APOBEC3G: variants seen among roughly 807,000 people sequenced by gnomAD.
The protein encoded by APOBEC3G is DNA dC->dU-editing enzyme APOBEC-3G.
A neutral mutation model predicts 50.0 loss-of-function variants in APOBEC3G; 44 were observed. That is an observed-to-expected ratio of 0.88 (90% CI 0.69 to 1.13). APOBEC3G has a LOEUF of 1.13. Among genes scored for constraint, APOBEC3G ranks in the 50% most tolerant of loss-of-function variants. The pLI, the probability that APOBEC3G is intolerant of heterozygous loss-of-function variation, is 0.00. For missense variants in APOBEC3G, 469 were observed against 492.0 expected, an observed-to-expected ratio of 0.95 and a Z score of 0.44; for synonymous variants, 156 against 175.3, an observed-to-expected ratio of 0.89 and a Z score of 0.87.
intron 4 of APOBEC3G, chr22:39,081,995 C>T (rs1355073368): frequency 1.2e-5 from 2 of 170,762 alleles, no homozygotes; most frequent in South Asian, 2.8e-4. Flanking sequence ...AACCTGAGCC[C>T]CTGAGAAGGA....
chr22:39,080,566 C>T (rs746011454), intron 2 of APOBEC3G: 82 of 244,190 alleles, frequency 3.4e-4, no homozygotes, highest in Non-Finnish European at 5.6e-4. Context: ...ACTGCTGCTC[C>T]GTGACATGGG....
intron 2 of APOBEC3G, chr22:39,080,553 G>C (rs1213160056): frequency 6.0e-5 from 13 of 215,634 alleles, no homozygotes; most frequent in African/African-American, 3.0e-4. Context: ...GGGATGTCGA[G>C]TCACTGCTGC....
intron 5 of APOBEC3G, among the ~76,000 whole-genome samples, chr22:39,085,931 G>A (rs1007769244): frequency 6.6e-6 from 1 of 152,122 alleles, no homozygotes; most frequent in Non-Finnish European, 1.5e-5. Flanking sequence ...TTGATAACTG[G>A]GGTTTGGTGC....
In APOBEC3G at chr22:39,081,176, T is replaced by C. The variant is rs1416990881; in HGVS notation, c.415T>C (p.Cys139Arg). 3 of 1,614,140 alleles carry C rather than the reference T, an allele frequency of 1.9e-6. No individual in the cohort carries two copies. Among genetic ancestry groups the C allele is most frequent in the South Asian group, 1.1e-5 (1 of 91,092 alleles). Residue 139 changes from cysteine (C) to arginine (R), a missense_variant, in exon 3 of 8, where the codon TGT becomes CGT. By Grantham distance (180) the Cys-to-Arg change is radical. Coordinates refer to ENST00000407997, the MANE Select transcript of APOBEC3G (RefSeq NM_021822.4). ...TTACCAGGAGGCGCTTCGCAGCCTG[T>C]GTCAGAAAAGAGACGGTCCGCGTGC... Reference protein sequence around the residue: ...PDYQEALRSLCQKRDGPRATM... With the variant: ...PDYQEALRSLRQKRDGPRATM...
rs1928300746 is a variant in APOBEC3G, at chr22:39,078,980, T to C, written c.66T>C (p.Tyr22=). 1 of 1,614,062 alleles carries C rather than the reference T, an allele frequency of 6.2e-7. No individual in the cohort carries two copies. The highest frequency in any genetic ancestry group is 1.7e-5 in the Admixed American group (1 of 59,998). ...MYRDTFSYNF[Y]NRPILSRRNT... The stretch of plus-strand genomic sequence containing the variant: ...GAGACACATTCTCCTACAACTTTTA[T>C]AATAGACCCATCCTTTCTCGTCGGA... Residue 22 remains tyrosine, a synonymous_variant, in exon 2 of 8, where the codon TAT becomes TAC. Transcript: ENST00000407997.
At chr22:39,080,592 T>C (rs1273458011) in intron 2 of APOBEC3G, 1 of 285,088 alleles carries the variant, frequency 3.5e-6, no homozygotes, top group Non-Finnish European at 6.7e-6. Flanking sequence ...GAGGAAGCAG[T>C]TTAGTCTGAC....
Position 39,083,737 on chromosome 22 carries a change from G to C in APOBEC3G, c.588G>C (p.Ser196=), listed in dbSNP as rs200230305. 54 of 1,613,770 alleles carry C rather than the reference G, an allele frequency of 3.3e-5. No individual in the cohort carries two copies. The African/African-American group carries it at 5.3e-4, about 16-fold the overall frequency. The change falls in exon 5 of 8, where the codon TCG becomes TCC. Residue 196 remains serine, a synonymous_variant. Transcript: ENST00000407997. ...HIMLGEILRH[S]MDPPTFTFNF... ...CTTTTCCCCCACTTTCCAGACACTCGATGGATCCACCCACATTCACTTTCA... is the reference window on the plus strand; with the variant it reads ...CTTTTCCCCCACTTTCCAGACACTCCATGGATCCACCCACATTCACTTTCA...
At chr22:39,084,564 G>A (rs1270742539) in intron 5 of APOBEC3G, among the ~76,000 whole-genome samples, 3 of 151,938 alleles carry the variant, frequency 2.0e-5, no homozygotes, top group African/African-American at 7.2e-5. Flanking sequence ...GACCCTCCCA[G>A]GATCCCCTCA....
intron 1 of APOBEC3G, 134 bp downstream of exon 1, chr22:39,077,512 C>A: frequency 6.8e-7 from 1 of 1,464,268 alleles, no homozygotes; most frequent in South Asian, 1.2e-5. Context: ...TCCCCTGCAC[C>A]CCCTACTCCC....
At chr22:39,083,995 G>T (rs1928591101) in intron 5 of APOBEC3G, 111 bp downstream of exon 5, 4 of 1,332,032 alleles carry the variant, frequency 3.0e-6, no homozygotes, top group Non-Finnish European at 4.0e-6. Flanking sequence ...TCTGTCACCT[G>T]TGCTTCCTGT....
intron 2 of APOBEC3G, chr22:39,079,429 C>T (rs1225233146): frequency 2.0e-5 from 4 of 203,762 alleles, no homozygotes; most frequent in African/African-American, 7.1e-5. Context: ...GCGATGCTGT[C>T]GCCTCAGACT....
chr22:39,084,974 A>G (rs930607452), intron 5 of APOBEC3G, among the ~76,000 whole-genome samples: 2 of 152,146 alleles, frequency 1.3e-5, no homozygotes, highest in African/African-American at 4.8e-5. Flanking sequence ...CTGGGCCCAC[A>G]CACACTGCTT....
rs1414814787 is a variant in APOBEC3G at position 39,087,604 on chromosome 22, C to T, written c.*183C>T. 1 of 1,188,714 alleles carries T rather than the reference C, an allele frequency of 8.4e-7. No homozygotes were observed. The highest frequency in any genetic ancestry group is 1.6e-5 in the African/African-American group (1 of 64,194). The allele number at this position is 1,188,714 out of a possible 1,614,324, so 73.6% of individuals were successfully genotyped here. On this transcript the variant is annotated 3_prime_UTR_variant, in exon 8 of 8. Coordinates refer to ENST00000407997, the MANE Select transcript of APOBEC3G (RefSeq NM_021822.4). Reference sequence around the variant, plus strand: ...AAAATTAGAGTGCATTACTTTGAATCAAAAATTTATTTATATTTCAAGAAT... The same window carrying T: ...AAAATTAGAGTGCATTACTTTGAATTAAAAATTTATTTATATTTCAAGAAT...
At chr22:39,078,611 C>T in intron 1 of APOBEC3G, 2 of 247,028 alleles carry the variant, frequency 8.1e-6, no homozygotes, top group Non-Finnish European at 1.6e-5. Flanking sequence ...TCGGTTCTAC[C>T]ATGATTTAAC....
intron 4 of APOBEC3G, among the ~76,000 whole-genome samples, 195 bp from the exon 5 acceptor site, chr22:39,083,536 C>G (rs549328448): frequency 1.2e-4 from 18 of 152,256 alleles, no homozygotes; most frequent in African/African-American, 4.1e-4. Context: ...CCAGTGAGCC[C>G]CAGAAGGGGT....
Position 39,079,031 on chromosome 22 carries a change from G to A in APOBEC3G, c.117G>A (p.Val39=), listed in dbSNP as rs1646903164. 3 of 1,614,194 alleles carry A rather than the reference G, an allele frequency of 1.9e-6. No homozygotes were observed. The Admixed American group carries it at 5.0e-5, about 27-fold the overall frequency. The change falls in exon 2 of 8, where the codon GTG becomes GTA. Residue 39 remains valine, a synonymous_variant. Transcript: ENST00000407997. ...RRNTVWLCYE[V]KTKGPSRPPL... ...ATACCGTCTGGCTGTGCTACGAAGT[G>A]AAAACAAAGGGTCCCTCAAGGCCCC...
At position 39,087,503 on chromosome 22, in the gene APOBEC3G, AG is replaced by A. The variant is rs1435224512; in HGVS notation, c.*84del. The A allele has an allele frequency of 6.2e-7, 1 of 1,611,936 alleles. No homozygotes were observed. Reference sequence around the variant, plus strand: ...AGATCTTCTTCCAAGAAATGCAAACAGGCTGTTCACCACCATCTCCAGCTGA... The same window carrying A: ...AGATCTTCTTCCAAGAAATGCAAACAGCTGTTCACCACCATCTCCAGCTGA... On this transcript the variant is annotated 3_prime_UTR_variant, in exon 8 of 8. Coordinates refer to ENST00000407997, the MANE Select transcript of APOBEC3G (RefSeq NM_021822.4).
At position 39,077,353 on chromosome 22, in the gene APOBEC3G, C is replaced by G. The variant is rs781570496; in HGVS notation, c.-9C>G. Reference sequence around the variant, plus strand: ...GACAAAGATCTTAGTCGGGACTAGCCGGCCAAGGATGAAGCCTCACTTCAG... The same window carrying G: ...GACAAAGATCTTAGTCGGGACTAGCGGGCCAAGGATGAAGCCTCACTTCAG... On this transcript the variant is annotated 5_prime_UTR_variant, in exon 1 of 8. Transcript: ENST00000407997. The G allele has an allele frequency of 8.9e-6, 14 of 1,577,672 alleles. No individual in the cohort carries two copies. The highest frequency in any genetic ancestry group is 1.2e-5 in the South Asian group (1 of 86,304).
chr22:39,078,545 C>G (rs995765110), intron 1 of APOBEC3G: 1 of 171,264 alleles, frequency 5.8e-6, no homozygotes, highest in African/African-American at 2.4e-5. Flanking sequence ...CCTAGGGCAG[C>G]CTCACATGAG....
Sources: gnomAD v4.1 joint callset for allele counts (sites outside exome capture counted in the v4.1 genomes callset) on GRCh38, gnomAD v4.1.1 for gene constraint, MANE v1.5 for transcripts, NCBI Gene and HGNC (gene_info 2026-07-23, HGNC 2026-07-21) for gene names.